The following FIG4 variants were observed in gnomAD, a reference collection of about 807,000 sequenced individuals.
FIG4 encodes polyphosphoinositide phosphatase.
In FIG4, 112 loss-of-function variants were observed where a neutral mutation model predicts 118.6. The observed-to-expected ratio is 0.94, with a 90% CI of 0.81 to 1.11. The LOEUF (loss-of-function observed/expected upper bound fraction) is 1.11, where lower values mean the gene tolerates loss of function less well. Among genes scored for constraint, FIG4 ranks in the 50% least tolerant of loss-of-function variants. The probability of loss-of-function intolerance (pLI) is 0.00; values close to 1 mark genes in which losing one functional copy is unlikely to be tolerated. For synonymous variants in FIG4, 369 were observed against 381.2 expected, an observed-to-expected ratio of 0.97 and a Z score of 0.37; for missense variants, 969 against 1,111.7, an observed-to-expected ratio of 0.87 and a Z score of 1.83.
intron 16 of FIG4, among the ~76,000 whole-genome samples, chr6:109,783,894 G>A (rs79622139): frequency 0.016 from 2,415 of 152,284 alleles, 57 homozygotes; most frequent in East Asian, 0.11. Context: ...AACCTTTCCT[G>A]TTAGAACAGT....
chr6:109,744,602 T>C (rs1353229401), intron 10 of FIG4, among the ~76,000 whole-genome samples: 1 of 152,076 alleles, frequency 6.6e-6, no homozygotes, highest in East Asian at 1.9e-4. Flanking sequence ...AGGAAGCCTG[T>C]GACCCTGTGT....
chr6:109,788,255 A>G (rs1778040431), intron 18 of FIG4, among the ~76,000 whole-genome samples: 2 of 152,230 alleles, frequency 1.3e-5, no homozygotes, highest in African/African-American at 4.8e-5. Context: ...CTCATGGCCA[A>G]CAGCACTATA....
Position 109,725,860 on chromosome 6 carries a change from C to T in FIG4, c.290-1249C>T, listed in dbSNP as rs1040984195. 2.0e-5 allele frequency among the ~76,000 whole-genome samples: 3 copies of T among 152,156 alleles called. No homozygotes were observed. The East Asian group carries it at 5.8e-4, about 29-fold the overall frequency. On this transcript the variant is annotated intron_variant, in intron 3 of 22. Coordinates refer to ENST00000230124, the MANE Select transcript of FIG4 (RefSeq NM_014845.6). ...TTCTTTAATGATAAGTGATGATGAG[C>T]TTTTTTTCATATATTTGTTGGTTGC... is the stretch of plus-strand genomic sequence containing the variant.
intron 1 of FIG4, among the ~76,000 whole-genome samples, chr6:109,705,625 T>C (rs1775044060): frequency 6.6e-6 from 1 of 152,206 alleles, no homozygotes; most frequent in Non-Finnish European, 1.5e-5. Context: ...AGATCTGCCT[T>C]CCTAAGTATG....
intron 6 of FIG4, among the ~76,000 whole-genome samples, chr6:109,736,587 C>G (rs1776165721): frequency 6.6e-6 from 1 of 152,154 alleles, no homozygotes; most frequent in Non-Finnish European, 1.5e-5. Flanking sequence ...GAAAGTATCA[C>G]TAAATTTGCC....
At chr6:109,778,924 G>A (rs978345611) in intron 16 of FIG4, among the ~76,000 whole-genome samples, 7 of 152,184 alleles carry the variant, frequency 4.6e-5, no homozygotes, top group African/African-American at 1.7e-4. Context: ...TAAGTTCTGT[G>A]TTGCTTCAGG....
chr6:109,700,086 A>G (rs1294356305), intron 1 of FIG4, among the ~76,000 whole-genome samples: 1 of 152,160 alleles, frequency 6.6e-6, no homozygotes, highest in Non-Finnish European at 1.5e-5. Context: ...TCTGAATACT[A>G]TTGCATTAAG....
intron 3 of FIG4, among the ~76,000 whole-genome samples, chr6:109,719,464 A>G (rs1265249827): frequency 1.3e-5 from 2 of 151,788 alleles, no homozygotes; most frequent in African/African-American, 2.4e-5. Context: ...GCTCGCTGCA[A>G]CCTCAACCTC....
At chr6:109,694,784 T>G (rs959167940) in intron 1 of FIG4, among the ~76,000 whole-genome samples, 1 of 152,104 alleles carries the variant, frequency 6.6e-6, no homozygotes, top group African/African-American at 2.4e-5. Context: ...AGGATCTGAG[T>G]AGACATTTCT....
intron 10 of FIG4, among the ~76,000 whole-genome samples, chr6:109,748,471 A>G (rs933432734): frequency 3.3e-5 from 5 of 152,140 alleles, no homozygotes; most frequent in East Asian, 1.9e-4. Flanking sequence ...TAAAGCAAGC[A>G]GTGTGGAAAT....
chr6:109,770,346 C>CAT (rs576448233), intron 15 of FIG4, among the ~76,000 whole-genome samples: 1 of 151,170 alleles, frequency 6.6e-6, no homozygotes, highest in Non-Finnish European at 1.5e-5. Context: ...GCTGTATATA[C>CAT]GTGTGTGTGT....
chr6:109,755,147 CG>C lies in FIG4; in HGVS notation c.1138-5102del, dbSNP rs912486041. The stretch of plus-strand genomic sequence containing the variant: ...TTCTGGTATGTTGTGTCTTTGTTCT[CG>C]TTGGTTTCAAAGAACATCTTTATTT... On this transcript the variant is annotated intron_variant, in intron 10 of 22. Coordinates refer to ENST00000230124, the MANE Select transcript of FIG4 (RefSeq NM_014845.6). Among the ~76,000 whole-genome samples the C allele has an allele frequency of 3.7e-4, 57 of 152,086 alleles. 1 individual carries two copies. Among genetic ancestry groups the C allele is most frequent in the African/African-American group, 1.3e-3 (55 of 41,420 alleles).
intron 16 of FIG4, among the ~76,000 whole-genome samples, chr6:109,782,940 G>C (rs1287025677): frequency 6.6e-6 from 1 of 152,128 alleles, no homozygotes; most frequent in Non-Finnish European, 1.5e-5. Flanking sequence ...GTTGATGTCT[G>C]GTTTTTGGAA....
chr6:109,783,755 G>C (rs2128395809), intron 16 of FIG4, among the ~76,000 whole-genome samples: 1 of 152,328 alleles, frequency 6.6e-6, no homozygotes, highest in Admixed American at 6.5e-5. Flanking sequence ...TTGTCATAGA[G>C]GCAGAATCTC....
intron 22 of FIG4, among the ~76,000 whole-genome samples, chr6:109,803,621 CTT>C (rs199761048): frequency 6.7e-6 from 1 of 149,406 alleles, no homozygotes; most frequent in East Asian, 2.0e-4. Flanking sequence ...TTTCTTTTTT[CTT>C]TTTTTTTTAT....
intron 22 of FIG4, among the ~76,000 whole-genome samples, chr6:109,801,306 G>C (rs1429871858): frequency 6.6e-6 from 1 of 152,148 alleles, no homozygotes; most frequent in Non-Finnish European, 1.5e-5. Flanking sequence ...CCAGCACTTT[G>C]GGAGGCTGAG....
chr6:109,776,200 T>C (rs1777614171), intron 15 of FIG4, among the ~76,000 whole-genome samples: 7 of 152,170 alleles, frequency 4.6e-5, no homozygotes, highest in Admixed American at 4.6e-4. Context: ...AAAAGATAAT[T>C]AGGAAAAGGA....
chr6:109,797,915 A>AAAAG (rs376589023), intron 22 of FIG4, among the ~76,000 whole-genome samples: 2 of 148,134 alleles, frequency 1.4e-5, no homozygotes, highest in African/African-American at 5.1e-5. Context: ...AAAAAAAAAA[A>AAAAG]TGAGTCACTG....
At position 109,715,116 on chromosome 6, in the gene FIG4, A is replaced by G. The variant is rs1775388283; in HGVS notation, c.105A>G (p.Lys35=). 2.5e-6 allele frequency: 4 copies of G among 1,606,112 alleles called. No individual in the cohort carries two copies. Among genetic ancestry groups the G allele is most frequent in the Non-Finnish European group, 3.4e-6 (4 of 1,173,184 alleles). The change falls in exon 2 of 23, where the codon AAA becomes AAG. Residue 35 remains lysine, a synonymous_variant. Transcript: ENST00000230124. ...TTGGGAGCAATAATGCAGAAACGAA[A>G]TATCGTGTCTTGAAGATTGATAGAA... ...FLVGSNNAET[K]YRVLKIDRTE...
Sources: allele counts gnomAD v4.1 joint callset (sites outside exome capture counted in the v4.1 genomes callset), GRCh38; gene constraint gnomAD v4.1.1; transcripts MANE v1.5; gene names NCBI Gene and HGNC (gene_info 2026-07-23, HGNC 2026-07-21).